Variants in IQGAP2 observed in about 807,000 individuals in gnomAD.
The protein encoded by IQGAP2 is ras GTPase-activating-like protein IQGAP2.
IQGAP2 carries 173 observed loss-of-function variants against 201.3 expected under a neutral mutation model. That is an observed-to-expected ratio of 0.86 (90% CI 0.76 to 0.98). IQGAP2 has a LOEUF of 0.98. IQGAP2 is among the 50% of genes least tolerant of loss of function. The pLI is 0.00. For missense variants in IQGAP2, 1,687 were observed against 1,864.8 expected (o/e 0.90, Z 1.76); for synonymous variants, 675 against 673.9 (o/e 1.00, Z -0.03).
At chr5:76,701,535 A>G (rs963533164) in intron 34 of IQGAP2, among the ~76,000 whole-genome samples, 1 of 152,328 alleles carries the variant, frequency 6.6e-6, no homozygotes, top group African/African-American at 2.4e-5. Context: ...ATTGCAAAAT[A>G]GCACCTTTCT....
At chr5:76,550,686 A>G (rs1445623312) in intron 2 of IQGAP2, among the ~76,000 whole-genome samples, 1 of 152,254 alleles carries the variant, frequency 6.6e-6, no homozygotes, top group Non-Finnish European at 1.5e-5. Context: ...TCACCGATCA[A>G]CAGGATCACA....
At chr5:76,630,301 A>G (rs463815) in intron 14 of IQGAP2, among the ~76,000 whole-genome samples, 142,046 of 152,224 alleles carry the variant, frequency 0.93, 66,520 homozygotes, top group Middle Eastern at 0.97. Flanking sequence ...AACACTCACC[A>G]GATTATAGCA....
chr5:76,693,055 G>A (rs971565284), intron 30 of IQGAP2, among the ~76,000 whole-genome samples: 12 of 152,154 alleles, frequency 7.9e-5, no homozygotes, highest in South Asian at 4.1e-4. Context: ...AGTAGTCTCC[G>A]TCTAAAAAAG....
chr5:76,685,052 C>T (rs1745616809), intron 30 of IQGAP2, among the ~76,000 whole-genome samples: 1 of 152,156 alleles, frequency 6.6e-6, no homozygotes, highest in Admixed American at 6.5e-5. Context: ...AAGCTGGAAA[C>T]AGCCCCTGTC....
chr5:76,427,558 A>G (rs1752079707), intron 1 of IQGAP2, among the ~76,000 whole-genome samples: 1 of 152,200 alleles, frequency 6.6e-6, no homozygotes, highest in African/African-American at 2.4e-5. Flanking sequence ...CTAGCATCCT[A>G]GGTTTTATCC....
At chr5:76,619,798 G>T (rs548043790) in intron 13 of IQGAP2, among the ~76,000 whole-genome samples, 5 of 152,132 alleles carry the variant, frequency 3.3e-5, no homozygotes, top group Non-Finnish European at 7.4e-5. Flanking sequence ...GATTACAGGC[G>T]TGAGCCACCG....
At position 76,496,753 on chromosome 5, in the gene IQGAP2, C is replaced by CTTTCTTTCTTTCTTTCTTTCTTTCT. The variant is rs1756970673; in HGVS notation, c.146+35087_146+35111dup. Among the ~76,000 whole-genome samples, 10 of 65,474 alleles carry CTTTCTTTCTTTCTTTCTTTCTTTCT rather than the reference C, an allele frequency of 1.5e-4. No homozygotes were observed. The East Asian group carries it at 1.9e-3, about 12-fold the overall frequency. 43.0% of individuals were successfully genotyped at this position (65,474 alleles called of 152,430 possible). A position where few individuals can be genotyped will look rare whatever the true frequency, so the allele number is the denominator to read the frequency against. On this transcript the variant is annotated intron_variant, in intron 2 of 35. Transcript: ENST00000274364. ...TCTTTCTTTCTTTCTTTCTTTCTTT[C>CTTTCTTTCTTTCTTTCTTTCTTTCT]TTTCTTTCTTTCTTTCTTTCTTTCT...
intron 2 of IQGAP2, among the ~76,000 whole-genome samples, chr5:76,499,968 T>C (rs1373997959): frequency 6.6e-6 from 1 of 150,544 alleles, no homozygotes; most frequent in Non-Finnish European, 1.5e-5. Flanking sequence ...ATTAACTGGG[T>C]GTGGTGGCAT....
At chr5:76,697,856 T>G in intron 32 of IQGAP2, 131 bp from the exon 33 acceptor site, 1 of 612,680 alleles carries the variant, frequency 1.6e-6, no homozygotes, top group Non-Finnish European at 2.8e-6. Context: ...TAAAATAAGG[T>G]GCCTGAGATA....
chr5:76,533,026 A>C (rs574918911), intron 2 of IQGAP2, among the ~76,000 whole-genome samples: 2 of 152,172 alleles, frequency 1.3e-5, no homozygotes, highest in Admixed American at 1.3e-4. Flanking sequence ...CTCTTTCCCC[A>C]ATGGGAAGAG....
At position 76,518,838 on chromosome 5, in the gene IQGAP2, T is replaced by TA. The variant is rs1044608467; in HGVS notation, c.147-43552dup. 2.2e-4 allele frequency among the ~76,000 whole-genome samples: 34 copies of TA among 152,258 alleles called. No individual in the cohort carries two copies. The East Asian group carries it at 5.2e-3, about 23-fold the overall frequency. On this transcript the variant is annotated intron_variant, in intron 2 of 35. Transcript: ENST00000274364. ...AAATGTTACATTTAAATATAGTTAA[T>TA]AAAAAATGGCTTTTGGGTCCAGTGT...
chr5:76,541,913 T>C (rs993170428), intron 2 of IQGAP2, among the ~76,000 whole-genome samples: 1 of 152,342 alleles, frequency 6.6e-6, no homozygotes, highest in African/African-American at 2.4e-5. Context: ...TTTCATCTCC[T>C]TTGAAATACT....
intron 2 of IQGAP2, among the ~76,000 whole-genome samples, chr5:76,467,502 A>T (rs931201241): frequency 2.6e-5 from 4 of 152,232 alleles, no homozygotes; most frequent in Admixed American, 6.5e-5. Context: ...AATGTTAGTG[A>T]GGATGTAGAG....
intron 2 of IQGAP2, among the ~76,000 whole-genome samples, chr5:76,507,882 G>A (rs904695414): frequency 2.6e-5 from 4 of 151,924 alleles, no homozygotes; most frequent in Middle Eastern, 6.8e-3. Context: ...GGTGACACGC[G>A]CCTGTAGTCC....
Position 76,592,259 on chromosome 5 carries a change from CT to C in IQGAP2, c.820-574del, listed in dbSNP as rs550074112. Among the ~76,000 whole-genome samples the C allele has an allele frequency of 3.3e-3, 501 of 152,330 alleles. 8 individuals are homozygous for C. The highest frequency in any genetic ancestry group is 0.011 in the African/African-American group (473 of 41,572). On this transcript the variant is annotated intron_variant, in intron 8 of 35. Transcript: ENST00000274364. ...CTTAGCCTTCAGCTGACCCCCTCATCTTTTTGGCTCACCATGGACACACTCC... is the reference window on the plus strand; with the variant it reads ...CTTAGCCTTCAGCTGACCCCCTCATCTTTTGGCTCACCATGGACACACTCC...
At chr5:76,428,507 T>G (rs1333845144) in intron 1 of IQGAP2, among the ~76,000 whole-genome samples, 2 of 150,488 alleles carry the variant, frequency 1.3e-5, no homozygotes, top group East Asian at 3.9e-4. Flanking sequence ...GCGCAATCTC[T>G]GCAACCTCCA....
chr5:76,618,280 A>G lies in IQGAP2; in HGVS notation c.1521+7097A>G, dbSNP rs778438453. The G allele has an allele frequency of 7.4e-6, 12 of 1,614,126 alleles. No homozygotes were observed. The Admixed American group carries it at 1.7e-4, about 22-fold the overall frequency. ...GCTATCTTAAAGGGCAATGTAACACAAAAAAGAAAATCTGCAATGGCCAGG... is the reference window on the plus strand; with the variant it reads ...GCTATCTTAAAGGGCAATGTAACACGAAAAAGAAAATCTGCAATGGCCAGG... On this transcript the variant is annotated intron_variant, in intron 13 of 35. Coordinates refer to ENST00000274364, the MANE Select transcript of IQGAP2 (RefSeq NM_006633.5).
intron 2 of IQGAP2, among the ~76,000 whole-genome samples, chr5:76,551,381 G>A (rs1327992880): frequency 4.0e-5 from 6 of 150,012 alleles, no homozygotes; most frequent in Non-Finnish European, 8.8e-5. Flanking sequence ...CTGGGCGGCC[G>A]GGCAGAGGGG....
At chr5:76,491,347 G>A (rs4516832) in intron 2 of IQGAP2, among the ~76,000 whole-genome samples, 59,559 of 151,994 alleles carry the variant, frequency 0.39, 13,688 homozygotes, top group African/African-American at 0.62. Context: ...ATTAAATAAT[G>A]TGAAAATATA....
Sources: gnomAD v4.1 joint callset for allele counts (sites outside exome capture counted in the v4.1 genomes callset) on GRCh38, gnomAD v4.1.1 for gene constraint, MANE v1.5 for transcripts, NCBI Gene and HGNC (gene_info 2026-07-23, HGNC 2026-07-21) for gene names.